Variants in MYH15 observed in about 807,000 individuals in gnomAD.
The protein encoded by MYH15 is myosin-15.
MYH15 carries 227 observed loss-of-function variants against 240.5 expected under a neutral mutation model. The observed-to-expected ratio is 0.94, with a 90% CI of 0.85 to 1.05. The LOEUF is 1.05. Among genes scored for constraint, MYH15 ranks in the 50% least tolerant of loss-of-function variants. The pLI, the probability that MYH15 is intolerant of heterozygous loss-of-function variation, is 0.00. For missense variants in MYH15, 2,217 were observed against 2,247.5 expected, an observed-to-expected ratio of 0.99 and a Z score of 0.27; for synonymous variants, 785 against 796.7, an observed-to-expected ratio of 0.99 and a Z score of 0.25.
chr3:108,540,809 G>T, the MYH15 span, among the ~76,000 whole-genome samples: 3 of 151,918 alleles, frequency 2.0e-5, no homozygotes, highest in Non-Finnish European at 4.4e-5. Flanking sequence ...TTAAAACTTG[G>T]ATATGAAAAT....
chr3:108,385,908 C>T (rs949706123), intron 38 of MYH15, among the ~76,000 whole-genome samples: 7 of 152,032 alleles, frequency 4.6e-5, no homozygotes, highest in South Asian at 2.1e-4. Flanking sequence ...AATGCTCCCC[C>T]GCCACACACA....
At chr3:108,440,674 C>T (rs1347843704) in intron 23 of MYH15, among the ~76,000 whole-genome samples, 1 of 142,716 alleles carries the variant, frequency 7.0e-6, no homozygotes, top group Non-Finnish European at 1.5e-5. Context: ...TTTAGCAAAC[C>T]ATATCATGCT....
rs149787190 is a variant in MYH15 at position 108,481,069 on chromosome 3, G to A, written c.1114+4022C>T. Among the ~76,000 whole-genome samples the A allele has an allele frequency of 3.6e-3, 541 of 152,250 alleles. 2 individuals are homozygous for A. The highest frequency in any genetic ancestry group is 0.01 in the Middle Eastern group (3 of 294). ...AAAAAAACTCAGTATCCAGTAAGATGCTTAAGTTAATTATGGTACATTCAT... is the reference window on the plus strand; with the variant it reads ...AAAAAAACTCAGTATCCAGTAAGATACTTAAGTTAATTATGGTACATTCAT... On this transcript the variant is annotated intron_variant, in intron 11 of 40. Transcript: ENST00000693548.
chr3:108,533,574 T>C (rs886894148), upstream of MYH15, among the ~76,000 whole-genome samples: 2 of 152,106 alleles, frequency 1.3e-5, no homozygotes, highest in African/African-American at 4.8e-5. Flanking sequence ...CACTGGAATC[T>C]CCAATGGGCA....
intron 5 of MYH15, 80 bp from the exon 6 acceptor site, chr3:108,498,225 G>C (rs939592553): frequency 8.2e-7 from 1 of 1,224,024 alleles, no homozygotes; most frequent in South Asian, 1.2e-5. Context: ...TGATTATATA[G>C]GCTATGGCAA....
chr3:108,464,594 C>T (rs1289651267), intron 15 of MYH15, 44 bp downstream of exon 15: 12 of 1,544,222 alleles, frequency 7.8e-6, no homozygotes, highest in African/African-American at 1.4e-5. Context: ...GCATTTGAAA[C>T]AAAGTCAGGA....
intron 35 of MYH15, among the ~76,000 whole-genome samples, chr3:108,395,637 T>TTC (rs960440802): frequency 4.5e-5 from 4 of 88,682 alleles, no homozygotes; most frequent in Non-Finnish European, 8.8e-5. Flanking sequence ...TTTTCTTTCT[T>TTC]TTTTTTTTTT....
chr3:108,495,003 C>T (rs2083380069), intron 7 of MYH15, among the ~76,000 whole-genome samples: 1 of 152,062 alleles, frequency 6.6e-6, no homozygotes, highest in Non-Finnish European at 1.5e-5. Context: ...TTTTATGAAC[C>T]AGTATTAGCA....
chr3:108,535,857 T>G, the MYH15 span, among the ~76,000 whole-genome samples: 1 of 152,188 alleles, frequency 6.6e-6, no homozygotes, highest in African/African-American at 2.4e-5. Flanking sequence ...GCATGAGTAT[T>G]CGCTAAACAA....
At chr3:108,505,869 G>A in intron 1 of MYH15, 40 bp from the exon 2 acceptor site, 2 of 1,337,700 alleles carry the variant, frequency 1.5e-6, no homozygotes, top group Non-Finnish European at 2.1e-6. Context: ...TATAGCTATA[G>A]TACTTACAGA....
intron 38 of MYH15, among the ~76,000 whole-genome samples, chr3:108,386,254 T>C (rs1490367963): frequency 1.3e-5 from 2 of 152,242 alleles, no homozygotes; most frequent in African/African-American, 4.8e-5. Context: ...CTGATGTTAC[T>C]GATGTCCCTC....
At chr3:108,525,613 G>A (rs956281212) in intron 1 of MYH15, among the ~76,000 whole-genome samples, 1 of 152,010 alleles carries the variant, frequency 6.6e-6, no homozygotes, top group African/African-American at 2.4e-5. Flanking sequence ...AATGCTACTG[G>A]GTGTTTTTTA....
chr3:108,501,619 G>A, intron 3 of MYH15, 93 bp downstream of exon 3: 4 of 1,513,978 alleles, frequency 2.6e-6, no homozygotes, highest in South Asian at 1.2e-5. Context: ...GTGCGAGCAT[G>A]CTTAAACTCA....
intron 15 of MYH15, among the ~76,000 whole-genome samples, chr3:108,463,966 A>T (rs143315332): frequency 6.6e-6 from 1 of 152,166 alleles, no homozygotes; most frequent in Non-Finnish European, 1.5e-5. Flanking sequence ...CATTCAAAAA[A>T]AAAACCAGCA....
chr3:108,541,668 C>T, the MYH15 span, among the ~76,000 whole-genome samples: 29 of 152,024 alleles, frequency 1.9e-4, 1 homozygote, highest in African/African-American at 6.5e-4. Context: ...TGTAAATGTA[C>T]ATACACTTCA....
In MYH15 at chr3:108,384,671, T is replaced by A; in HGVS notation, c.5631+16A>T. ...ACTGGGAAATCCATGAGGCTGAAAC[T>A]TCCCCAGGCACTCACCGCCACCTCG... On this transcript the variant is annotated intron_variant, in intron 39 of 40. Coordinates refer to ENST00000693548, the MANE Select transcript of MYH15 (RefSeq NM_014981.3). The A allele has an allele frequency of 6.2e-7, 1 of 1,607,928 alleles. No homozygotes were observed. The highest frequency in any genetic ancestry group is 1.3e-5 in the African/African-American group (1 of 74,864).
intron 16 of MYH15, among the ~76,000 whole-genome samples, chr3:108,460,839 G>T (rs553897609): frequency 6.6e-6 from 1 of 152,130 alleles, no homozygotes; most frequent in East Asian, 1.9e-4. Context: ...TTTAAGTGCA[G>T]CTGTGTTATA....
At chr3:108,533,133 T>C (rs1375498823), upstream of MYH15, among the ~76,000 whole-genome samples, 7 of 149,866 alleles carry the variant, frequency 4.7e-5, no homozygotes, top group East Asian at 1.4e-3. Context: ...TTTTTTTTTT[T>C]TTTTCATGAG....
At chr3:108,450,381 T>C (rs2082962411) in intron 21 of MYH15, among the ~76,000 whole-genome samples, 1 of 152,138 alleles carries the variant, frequency 6.6e-6, no homozygotes, top group Non-Finnish European at 1.5e-5. Flanking sequence ...AAAGAAAACA[T>C]TGTCATTTGT....
Sources: allele counts gnomAD v4.1 joint callset (sites outside exome capture counted in the v4.1 genomes callset), GRCh38; gene constraint gnomAD v4.1.1; transcripts MANE v1.5; gene names NCBI Gene and HGNC (gene_info 2026-07-23, HGNC 2026-07-21).